The following SLC39A9 variants were observed in gnomAD, a reference collection of about 807,000 sequenced individuals.
SLC39A9 encodes the protein solute carrier family 39 member 9.
A neutral mutation model predicts 28.4 loss-of-function variants in SLC39A9; 14 were observed. The ratio of observed to expected loss-of-function variants is 0.49; its 90% CI spans 0.33 to 0.77. The LOEUF (loss-of-function observed/expected upper bound fraction) is 0.77. SLC39A9 is among the 30% of genes least tolerant of loss of function. SLC39A9 has a pLI of 0.02. For missense variants in SLC39A9, 283 were observed against 381.1 expected, an observed-to-expected ratio of 0.74 and a Z score of 2.14; for synonymous variants, 119 against 149.6, an observed-to-expected ratio of 0.80 and a Z score of 1.49.
chr14:69,453,988 G>A (rs569229412), intron 4 of SLC39A9, among the ~76,000 whole-genome samples: 1 of 152,340 alleles, frequency 6.6e-6, no homozygotes, highest in Admixed American at 6.5e-5. Flanking sequence ...GTCCTGAACA[G>A]CTCTGTTACC....
intron 4 of SLC39A9, 49 bp from the exon 5 acceptor site, chr14:69,454,757 CTGTTAT>C: frequency 6.9e-7 from 1 of 1,439,262 alleles, no homozygotes; most frequent in Non-Finnish European, 9.8e-7. Flanking sequence ...AACCACTACA[CTGTTAT>C]TGTTGTTGTT....
chr14:69,441,731 T>G, intron 2 of SLC39A9: 1 of 925,314 alleles, frequency 1.1e-6, no homozygotes, highest in Admixed American at 5.6e-5. Context: ...TATTTTCTGG[T>G]GAGATTGGCA....
At chr14:69,428,235 C>T (rs1884300356) in intron 2 of SLC39A9, among the ~76,000 whole-genome samples, 1 of 151,518 alleles carries the variant, frequency 6.6e-6, no homozygotes, top group African/African-American at 2.4e-5. Flanking sequence ...CGAGATTGTG[C>T]CATGCACCCC....
intron 4 of SLC39A9, 57 bp from the exon 5 acceptor site, chr14:69,454,755 C>A: frequency 6.9e-7 from 1 of 1,441,200 alleles, no homozygotes; most frequent in Non-Finnish European, 9.8e-7. Context: ...TCAACCACTA[C>A]ACTGTTATTG....
At chr14:69,424,021 T>G in intron 1 of SLC39A9, 73 bp from the exon 2 acceptor site, 1 of 1,080,892 alleles carries the variant, frequency 9.3e-7, no homozygotes, top group Non-Finnish European at 1.4e-6. Flanking sequence ...ACAGTCTTGA[T>G]TACAGATACT....
intron 6 of SLC39A9, among the ~76,000 whole-genome samples, chr14:69,457,496 C>T (rs528726952): frequency 8.5e-5 from 13 of 152,250 alleles, no homozygotes; most frequent in South Asian, 8.3e-4. Context: ...CCACCACGCC[C>T]GGCTGCTTAA....
chr14:69,438,764 G>T lies in SLC39A9; in HGVS notation c.206-3305G>T, dbSNP rs145255722. Among the ~76,000 whole-genome samples, 29 of 152,284 alleles carry T rather than the reference G, an allele frequency of 1.9e-4. No individual in the cohort carries two copies. In the East Asian group the frequency reaches 5.0e-3, roughly 26 times the overall value. On this transcript the variant is annotated intron_variant, in intron 2 of 6. Transcript: ENST00000336643. The stretch of plus-strand genomic sequence containing the variant: ...TCAAAGATGAAAATATAAATGTGAT[G>T]TATTGTCAAAACTGCTATTGTCAGC...
chr14:69,455,874 A>G lies in SLC39A9; in HGVS notation c.693+8A>G, dbSNP rs376016493. 38 of 1,613,542 alleles carry G rather than the reference A, an allele frequency of 2.4e-5. 1 individual carries two copies. The highest frequency in any genetic ancestry group is 1.7e-4 in the African/African-American group (13 of 74,902). On this transcript the variant is annotated splice_region_variant and intron_variant, in intron 6 of 6. Transcript: ENST00000336643. ...TACTTAGGACTGAGTAAGGTAAGCT[A>G]ATCTATTCCCAGCTATCTAAACCAG... is the stretch of plus-strand genomic sequence containing the variant.
At chr14:69,404,974 A>G (rs376074568) in intron 1 of SLC39A9, among the ~76,000 whole-genome samples, 6 of 152,332 alleles carry the variant, frequency 3.9e-5, no homozygotes, top group African/African-American at 1.4e-4. Flanking sequence ...GAAACTTACA[A>G]TCATGGCAGA....
chr14:69,406,917 C>T (rs1366388152), intron 1 of SLC39A9, among the ~76,000 whole-genome samples: 5 of 121,028 alleles, frequency 4.1e-5, no homozygotes, highest in Non-Finnish European at 6.4e-5. Flanking sequence ...GTGGCGTGAT[C>T]TCAGCTCACT....
intron 1 of SLC39A9, among the ~76,000 whole-genome samples, chr14:69,417,058 C>G (rs1185104261): frequency 6.6e-6 from 1 of 152,202 alleles, no homozygotes; most frequent in Non-Finnish European, 1.5e-5. Flanking sequence ...TGCCTATGTT[C>G]TGAATGGTAC....
At chr14:69,416,803 A>G (rs899782798) in intron 1 of SLC39A9, among the ~76,000 whole-genome samples, 1 of 152,114 alleles carries the variant, frequency 6.6e-6, no homozygotes, top group Non-Finnish European at 1.5e-5. Context: ...TCCTTTGCCC[A>G]CTTTTTGATG....
rs1594960521 is a variant in SLC39A9 at position 69,462,101 on chromosome 14, C to A, written c.*3508C>A. 1 of 173,444 alleles carries A rather than the reference C, an allele frequency of 5.8e-6. No individual in the cohort carries two copies. Among genetic ancestry groups the A allele is most frequent in the Non-Finnish European group, 1.2e-5 (1 of 81,640 alleles). 10.7% of individuals were successfully genotyped at this position (173,444 alleles called of 1,614,324 possible). ...AGAACTAGACAACCATTTAGGAATT[C>A]TCTAGATATACTCAGCCTAACCCAG... On this transcript the variant is annotated 3_prime_UTR_variant, in exon 7 of 7. Coordinates refer to ENST00000336643, the MANE Select transcript of SLC39A9 (RefSeq NM_018375.5).
At chr14:69,437,109 C>T (rs1172650656) in intron 2 of SLC39A9, among the ~76,000 whole-genome samples, 1 of 152,106 alleles carries the variant, frequency 6.6e-6, no homozygotes, top group African/African-American at 2.4e-5. Flanking sequence ...CCTCATGATC[C>T]ACCTGCCTCG....
intron 6 of SLC39A9, among the ~76,000 whole-genome samples, chr14:69,456,135 A>G (rs1885847638): frequency 6.6e-6 from 1 of 152,274 alleles, no homozygotes; most frequent in Non-Finnish European, 1.5e-5. Flanking sequence ...TTAAAATAGT[A>G]TAACGTAACC....
chr14:69,461,159 C>T lies in SLC39A9; in HGVS notation c.*2566C>T, dbSNP rs368965515. Reference sequence around the variant, plus strand: ...ATGGAATTATTGGCTACCAAAGAGACGCAATTGATGATGAGAAGCATGATT... The same window carrying T: ...ATGGAATTATTGGCTACCAAAGAGATGCAATTGATGATGAGAAGCATGATT... On this transcript the variant is annotated 3_prime_UTR_variant, in exon 7 of 7. Transcript: ENST00000336643. 238 of 987,034 alleles carry T rather than the reference C, an allele frequency of 2.4e-4. No individual in the cohort carries two copies. In the African/African-American group the frequency reaches 3.8e-3, roughly 16 times the overall value. 61.1% of individuals were successfully genotyped at this position (987,034 alleles called of 1,614,324 possible).
intron 1 of SLC39A9, among the ~76,000 whole-genome samples, chr14:69,422,619 C>T (rs1231485178): frequency 6.6e-6 from 1 of 152,144 alleles, no homozygotes; most frequent in Non-Finnish European, 1.5e-5. Flanking sequence ...GAATCTTGCT[C>T]TGTCACCCAA....
At chr14:69,439,475 C>G (rs1884940850) in intron 2 of SLC39A9, among the ~76,000 whole-genome samples, 1 of 152,138 alleles carries the variant, frequency 6.6e-6, no homozygotes, top group African/African-American at 2.4e-5. Flanking sequence ...GTAAGGTATT[C>G]TGTGTTCATG....
chr14:69,427,123 C>T (rs1443842181), intron 2 of SLC39A9, among the ~76,000 whole-genome samples: 1 of 151,786 alleles, frequency 6.6e-6, no homozygotes, highest in African/African-American at 2.4e-5. Context: ...CTACCTCAGC[C>T]TCCCAAGTAG....
Sources: allele counts gnomAD v4.1 joint callset (sites outside exome capture counted in the v4.1 genomes callset), GRCh38; gene constraint gnomAD v4.1.1; transcripts MANE v1.5; gene names NCBI Gene and HGNC (gene_info 2026-07-23, HGNC 2026-07-21).